Variants in FMN1 observed in about 807,000 individuals in gnomAD.
FMN1 encodes the protein formin-1.
FMN1 carries 110 observed loss-of-function variants against 132.4 expected under a neutral mutation model. That is an observed-to-expected ratio of 0.83 (90% confidence interval 0.71 to 0.97). FMN1 has a LOEUF of 0.97. Among genes scored for constraint, FMN1 ranks in the 50% least tolerant of loss-of-function variants. FMN1 has a pLI of 0.00. For missense variants in FMN1, 1,792 were observed against 1,705.3 expected, an observed-to-expected ratio of 1.05 and a Z score of -0.90; for synonymous variants, 722 against 651.7, an observed-to-expected ratio of 1.11 and a Z score of -1.64.
chr15:32,917,415 T>C (rs1003405963), intron 10 of FMN1, among the ~76,000 whole-genome samples: 1 of 152,186 alleles, frequency 6.6e-6, no homozygotes, highest in African/African-American at 2.4e-5. Flanking sequence ...AGGGCACCAA[T>C]TAAGTAGCAG....
At chr15:32,957,298 CTTTTTTTT>C (rs869111673) in intron 9 of FMN1, among the ~76,000 whole-genome samples, 9 of 84,194 alleles carry the variant, frequency 1.1e-4, no homozygotes, top group East Asian at 7.4e-4. Context: ...CAGAGCAGTT[CTTTTTTTT>C]TTTTTTTTTT....
chr15:32,996,681 AC>A (rs1221155275), intron 7 of FMN1, among the ~76,000 whole-genome samples: 1 of 152,224 alleles, frequency 6.6e-6, no homozygotes, highest in Non-Finnish European at 1.5e-5. Context: ...AGAGGAAGCT[AC>A]AACAAATTGC....
At chr15:32,964,663 T>C (rs2031015374) in intron 8 of FMN1, among the ~76,000 whole-genome samples, 1 of 152,192 alleles carries the variant, frequency 6.6e-6, no homozygotes, top group Admixed American at 6.5e-5. Flanking sequence ...GACAGGCTAA[T>C]TCTGAAGGAG....
At chr15:32,957,846 G>GA (rs2029991385) in intron 9 of FMN1, among the ~76,000 whole-genome samples, 2 of 152,010 alleles carry the variant, frequency 1.3e-5, no homozygotes, top group Non-Finnish European at 2.9e-5. Flanking sequence ...TGTTACGAAA[G>GA]AAAAAAATAA....
chr15:32,835,409 C>T (rs909301533), intron 17 of FMN1, among the ~76,000 whole-genome samples: 6 of 152,104 alleles, frequency 3.9e-5, no homozygotes, highest in South Asian at 2.1e-4. Flanking sequence ...TTTCTGCTGC[C>T]GGAAGCCGGG....
chr15:32,770,231 A>C lies in FMN1; in HGVS notation c.*4079T>G, dbSNP rs1306559495. ...CCTGGTTCCTGGAAAAAGAGCCTGC[A>C]AGCGTGCATTGCTAATTCCCATTCA... On this transcript the variant is annotated 3_prime_UTR_variant, in exon 21 of 21. Coordinates refer to ENST00000616417, the MANE Select transcript of FMN1 (RefSeq NM_001277313.2). 1 of 152,194 alleles carries C rather than the reference A, an allele frequency of 6.6e-6. No homozygotes were observed. Among genetic ancestry groups the C allele is most frequent in the Non-Finnish European group, 1.5e-5 (1 of 68,042 alleles). The allele number at this position is 152,194 out of a possible 1,614,324, so 9.4% of individuals were successfully genotyped here.
At position 32,969,061 on chromosome 15, in the gene FMN1, G is replaced by C; in HGVS notation, c.2640C>G (p.Pro880=). 2 of 1,554,264 alleles carry C rather than the reference G, an allele frequency of 1.3e-6. No homozygotes were observed. Among genetic ancestry groups the C allele is most frequent in the Non-Finnish European group, 1.7e-6 (2 of 1,143,848 alleles). Residue 880 remains proline, a synonymous_variant, in exon 8 of 21, where the codon CCC becomes CCG. Coordinates refer to ENST00000616417, the MANE Select transcript of FMN1 (RefSeq NM_001277313.2). The part of the protein sequence containing the change: ...PPPASIPPPP[P]LPSGLGSLSP... Reference sequence around the variant, plus strand: ...ACAAAGATCCAAGTCCTGAGGGGAGGGGCGGAGGGGGAGGGATGGATGCGG... The same window carrying C: ...ACAAAGATCCAAGTCCTGAGGGGAGCGGCGGAGGGGGAGGGATGGATGCGG...
chr15:33,099,300 AATCT>A (rs1222047494), intron 4 of FMN1, among the ~76,000 whole-genome samples: 11 of 152,328 alleles, frequency 7.2e-5, no homozygotes, highest in Non-Finnish European at 1.6e-4. Flanking sequence ...CAAATAAGTC[AATCT>A]ATCAATAAAC....
At position 32,773,949 on chromosome 15, in the gene FMN1, G is replaced by A. The variant is rs535373596; in HGVS notation, c.*361C>T. On this transcript the variant is annotated 3_prime_UTR_variant, in exon 21 of 21. Transcript: ENST00000616417. ...TCCTCAATGATCTTTTCTCTCTTCT[G>A]TGACAATGTGACATATATCAAGCTT... 2 of 266,318 alleles carry A rather than the reference G, an allele frequency of 7.5e-6. No individual in the cohort carries two copies. Among genetic ancestry groups the A allele is most frequent in the East Asian group, 1.3e-4 (1 of 7,936 alleles). 16.5% of individuals were successfully genotyped at this position (266,318 alleles called of 1,614,324 possible). A position where few individuals can be genotyped will look rare whatever the true frequency, so the allele number is the denominator to read the frequency against.
intron 17 of FMN1, among the ~76,000 whole-genome samples, chr15:32,844,031 A>G (rs573566209): frequency 6.6e-6 from 1 of 152,232 alleles, no homozygotes; most frequent in African/African-American, 2.4e-5. Context: ...AGGTAGATCT[A>G]CTTCTCAATT....
rs1219240188 is a variant in FMN1 at position 33,012,396 on chromosome 15, T to G, written c.2162-4321A>C. 4.4e-6 allele frequency: 4 copies of G among 915,592 alleles called. No individual in the cohort carries two copies. The African/African-American group carries it at 6.5e-5, about 15-fold the overall frequency. The allele number at this position is 915,592 out of a possible 1,614,324, so 56.7% of individuals were successfully genotyped here. A position where few individuals can be genotyped will look rare whatever the true frequency, so the allele number is the denominator to read the frequency against. On this transcript the variant is annotated intron_variant, in intron 6 of 20. Transcript: ENST00000616417. ...AACCAAAGAGAGCTGTCTAAGAAGA[T>G]TCTCAAAGACCAGGTGCCCACTCAA...
At chr15:32,983,698 G>A (rs1566790665) in intron 7 of FMN1, among the ~76,000 whole-genome samples, 1 of 152,138 alleles carries the variant, frequency 6.6e-6, no homozygotes, top group Non-Finnish European at 1.5e-5. Flanking sequence ...ACAGAAAGTA[G>A]AGTAAAATGA....
chr15:33,064,273 A>G (rs113909549), intron 6 of FMN1: 4 of 152,356 alleles, frequency 2.6e-5, no homozygotes, highest in African/African-American at 9.6e-5. Context: ...GAGAGGTTTC[A>G]TGGATATATA....
At chr15:32,877,816 T>C (rs1452405238) in intron 16 of FMN1, among the ~76,000 whole-genome samples, 2 of 152,210 alleles carry the variant, frequency 1.3e-5, no homozygotes, top group African/African-American at 4.8e-5. Context: ...TTCTCACTAA[T>C]AGCAGAGTCA....
At chr15:33,093,731 G>A (rs1329430959) in intron 4 of FMN1, among the ~76,000 whole-genome samples, 1 of 152,196 alleles carries the variant, frequency 6.6e-6, no homozygotes, top group Non-Finnish European at 1.5e-5. Context: ...GGAAGGTGTG[G>A]CCAGGCAGAG....
chr15:32,823,166 T>TGTTTTG lies in FMN1; in HGVS notation c.3929-18835_3929-18834insCAAAAC, dbSNP rs1316815352. 3.4e-3 allele frequency among the ~76,000 whole-genome samples: 340 copies of TGTTTTG among 100,156 alleles called. 4 individuals carry two copies. Among genetic ancestry groups the TGTTTTG allele is most frequent in the East Asian group, 9.3e-3 (31 of 3,336 alleles). The allele number at this position is 100,156 out of a possible 152,430, so 65.7% of individuals were successfully genotyped here. On this transcript the variant is annotated intron_variant, in intron 17 of 20. Coordinates refer to ENST00000616417, the MANE Select transcript of FMN1 (RefSeq NM_001277313.2). Reference sequence around the variant, plus strand: ...GAGTTTCTACTGTTTTTTTTTTTTTTTTTTTTTTTTTTTGAGACAGAGTCT... The same window carrying TGTTTTG: ...GAGTTTCTACTGTTTTTTTTTTTTTTGTTTTGTTTTTTTTTTTTTGAGACAGAGTCT...
intron 9 of FMN1, among the ~76,000 whole-genome samples, chr15:32,935,980 CTCTT>C (rs2061259931): frequency 6.6e-6 from 1 of 152,126 alleles, no homozygotes; most frequent in Non-Finnish European, 1.5e-5. Flanking sequence ...CAAACGACCT[CTCTT>C]TATCTGATTC....
rs1281698107 is a variant in FMN1 at position 32,785,216 on chromosome 15, A to ATTTTTTTTTTT, written c.4131-8298_4131-8297insAAAAAAAAAAA. Among the ~76,000 whole-genome samples the ATTTTTTTTTTT allele has an allele frequency of 7.5e-4, 15 of 20,112 alleles. 2 individuals are homozygous for ATTTTTTTTTTT. Among genetic ancestry groups the ATTTTTTTTTTT allele is most frequent in the South Asian group, 2.0e-3 (1 of 498 alleles). 13.2% of individuals were successfully genotyped at this position (20,112 alleles called of 152,430 possible). A position where few individuals can be genotyped will look rare whatever the true frequency, so the allele number is the denominator to read the frequency against. ...TGTGTGTGTGTATATATATATATAT[A>ATTTTTTTTTTT]TATTTTTTTTTTTTTTTTTTTGTAG... On this transcript the variant is annotated intron_variant, in intron 19 of 20. Transcript: ENST00000616417.
intron 19 of FMN1, among the ~76,000 whole-genome samples, chr15:32,792,550 C>A (rs1430986964): frequency 6.6e-6 from 1 of 152,166 alleles, no homozygotes; most frequent in African/African-American, 2.4e-5. Flanking sequence ...GTGACACAGT[C>A]TAGTAACAAT....
Sources: allele counts gnomAD v4.1 joint callset (sites outside exome capture counted in the v4.1 genomes callset), GRCh38; gene constraint gnomAD v4.1.1; transcripts MANE v1.5; gene names NCBI Gene and HGNC (gene_info 2026-07-23, HGNC 2026-07-21).